The following CSMD3 variants were observed in gnomAD, a reference collection of about 807,000 sequenced individuals.
CSMD3 encodes the protein CUB and Sushi multiple domains 3.
A neutral mutation model predicts 435.2 loss-of-function variants in CSMD3; 177 were observed. The observed-to-expected ratio is 0.41, with a 90% CI of 0.36 to 0.46. The LOEUF is 0.46. Ranked by LOEUF, CSMD3 falls within the 20% of genes least tolerant of loss-of-function variation. CSMD3 has a pLI of 0.34. For missense variants in CSMD3, 4,265 were observed against 4,504.6 expected, an observed-to-expected ratio of 0.95 and a Z score of 1.52; for synonymous variants, 1,656 against 1,520.5, an observed-to-expected ratio of 1.09 and a Z score of -2.07.
chr8:113,187,148 TTTCTTCTTC>T lies in CSMD3; in HGVS notation c.515-13241_515-13233del, dbSNP rs547503245. 5.3e-4 allele frequency among the ~76,000 whole-genome samples: 80 copies of T among 151,566 alleles called. No individual in the cohort carries two copies. In the East Asian group the frequency reaches 5.9e-3, roughly 11 times the overall value. On this transcript the variant is annotated intron_variant, in intron 3 of 70. Coordinates refer to ENST00000297405, the MANE Select transcript of CSMD3 (RefSeq NM_198123.2). ...TTTCACTTTGCTGGGAGTTTTTTTT[TTTCTTCTTC>T]TTCTTCTTCTTCTTTTCCTTTTTCA... is the stretch of plus-strand genomic sequence containing the variant.
At chr8:112,500,588 A>G (rs1014955566) in intron 30 of CSMD3, among the ~76,000 whole-genome samples, 1 of 152,204 alleles carries the variant, frequency 6.6e-6, no homozygotes, top group Non-Finnish European at 1.5e-5. Flanking sequence ...ATCAGATGGT[A>G]CTAAATCAAT....
At chr8:113,254,005 A>G (rs959111197) in intron 3 of CSMD3, among the ~76,000 whole-genome samples, 4 of 152,142 alleles carry the variant, frequency 2.6e-5, no homozygotes, top group African/African-American at 9.7e-5. Context: ...TTCCTCTACA[A>G]TTAGATACTA....
At chr8:112,289,643 C>T (rs1318497287) in intron 56 of CSMD3, 105 bp from the exon 57 acceptor site, 1 of 722,650 alleles carries the variant, frequency 1.4e-6, no homozygotes, top group African/African-American at 1.8e-5. Flanking sequence ...TCTGCTGAAA[C>T]ATCTAAAGCC....
intron 23 of CSMD3, among the ~76,000 whole-genome samples, chr8:112,580,536 A>AG (rs1036516545): frequency 3.1e-5 from 2 of 64,482 alleles, no homozygotes; most frequent in Admixed American, 2.6e-4. Flanking sequence ...GAAAAGAGGT[A>AG]GGAAAAAAAA....
intron 22 of CSMD3, among the ~76,000 whole-genome samples, chr8:112,624,851 C>G (rs576904892): frequency 6.6e-6 from 1 of 151,882 alleles, no homozygotes; most frequent in African/African-American, 2.4e-5. Flanking sequence ...TTTTGACAAG[C>G]CAGACTCACA....
chr8:112,308,163 C>T (rs551359985), intron 50 of CSMD3, among the ~76,000 whole-genome samples: 1 of 152,142 alleles, frequency 6.6e-6, no homozygotes, highest in African/African-American at 2.4e-5. Context: ...ATTACAGAAC[C>T]TCTAAAATAG....
intron 3 of CSMD3, among the ~76,000 whole-genome samples, chr8:113,218,691 T>A (rs917001901): frequency 6.6e-6 from 1 of 151,284 alleles, no homozygotes; most frequent in African/African-American, 2.4e-5. Context: ...AATTTCTCAG[T>A]CTGATAAAGG....
intron 1 of CSMD3, among the ~76,000 whole-genome samples, chr8:113,346,246 A>T (rs2132876787): frequency 6.6e-6 from 1 of 152,066 alleles, no homozygotes; most frequent in Non-Finnish European, 1.5e-5. Flanking sequence ...CCTCAATTTA[A>T]ATTTAAATAT....
At chr8:112,911,394 GA>G (rs2082407217) in intron 10 of CSMD3, among the ~76,000 whole-genome samples, 1 of 151,670 alleles carries the variant, frequency 6.6e-6, no homozygotes, top group African/African-American at 2.4e-5. Context: ...TTTGTGTGGC[GA>G]AAACATTTAA....
intron 4 of CSMD3, among the ~76,000 whole-genome samples, chr8:113,162,787 T>C (rs1166229375): frequency 6.6e-6 from 1 of 152,056 alleles, no homozygotes; most frequent in African/African-American, 2.4e-5. Context: ...CAAAAATGTC[T>C]CTGGTCCACA....
chr8:112,406,967 T>A (rs1248063416), intron 34 of CSMD3, among the ~76,000 whole-genome samples: 1 of 151,992 alleles, frequency 6.6e-6, no homozygotes, highest in Non-Finnish European at 1.5e-5. Flanking sequence ...TCTTTAAACA[T>A]CAACGATTTT....
In CSMD3 at chr8:113,097,713, C is replaced by G. The variant is rs73340223; in HGVS notation, c.917+1043G>C. ...GAAGAATATTCCAATTAAATATATT[C>G]AAAACAAATCTCAATATTTACAGGG... On this transcript the variant is annotated intron_variant, in intron 5 of 70. Coordinates refer to ENST00000297405, the MANE Select transcript of CSMD3 (RefSeq NM_198123.2). Among the ~76,000 whole-genome samples, 542 of 152,068 alleles carry G rather than the reference C, an allele frequency of 3.6e-3. 3 individuals are homozygous for G. The highest frequency in any genetic ancestry group is 0.012 in the African/African-American group (506 of 41,518).
chr8:112,703,989 A>T (rs6469435), intron 13 of CSMD3, among the ~76,000 whole-genome samples: 50,470 of 151,792 alleles, frequency 0.33, 9,233 homozygotes, highest in African/African-American at 0.5. Flanking sequence ...AATTTAATAA[A>T]AATATGCAAA....
At chr8:113,124,627 G>C (rs571512183) in intron 4 of CSMD3, among the ~76,000 whole-genome samples, 1 of 151,906 alleles carries the variant, frequency 6.6e-6, no homozygotes, top group African/African-American at 2.4e-5. Flanking sequence ...GAATGACTAA[G>C]GATCAGAAGT....
chr8:112,609,543 G>A (rs1362166518), intron 22 of CSMD3, among the ~76,000 whole-genome samples: 1 of 152,072 alleles, frequency 6.6e-6, no homozygotes, highest in Non-Finnish European at 1.5e-5. Context: ...TGGAGAAAGG[G>A]GAACCCTTAT....
chr8:112,782,995 T>C (rs966686390), intron 13 of CSMD3, among the ~76,000 whole-genome samples: 2 of 151,990 alleles, frequency 1.3e-5, no homozygotes, highest in African/African-American at 2.4e-5. Context: ...TAAGCATTTA[T>C]ATAAAGGTAA....
chr8:112,451,267 A>T (rs1275039946), intron 32 of CSMD3, among the ~76,000 whole-genome samples: 1 of 152,194 alleles, frequency 6.6e-6, no homozygotes, highest in Non-Finnish European at 1.5e-5. Context: ...ACTTTAAAAA[A>T]GTGAATTCTT....
chr8:112,731,041 G>T (rs778089239), intron 13 of CSMD3, among the ~76,000 whole-genome samples: 16 of 152,050 alleles, frequency 1.1e-4, no homozygotes, highest in Non-Finnish European at 1.9e-4. Flanking sequence ...TAATTATTTA[G>T]CTGTTCAGAG....
intron 30 of CSMD3, among the ~76,000 whole-genome samples, chr8:112,503,316 C>G (rs1822172103): frequency 6.6e-6 from 1 of 152,172 alleles, no homozygotes; most frequent in South Asian, 2.1e-4. Context: ...TTTCTGGGCT[C>G]AAGTAATCCT....
Sources: gnomAD v4.1 joint callset for allele counts (sites outside exome capture counted in the v4.1 genomes callset) on GRCh38, gnomAD v4.1.1 for gene constraint, MANE v1.5 for transcripts, NCBI Gene and HGNC (gene_info 2026-07-23, HGNC 2026-07-21) for gene names.